The following L3MBTL4 variants were observed in gnomAD, a reference collection of about 807,000 sequenced individuals.
L3MBTL4 encodes the protein L3MBTL histone methyl-lysine binding protein 4, also known as lethal(3)malignant brain tumor-like protein 4.
L3MBTL4 carries 70 observed loss-of-function variants against 84.5 expected under a neutral mutation model. That is an observed-to-expected ratio of 0.83 (90% CI 0.68 to 1.01). The LOEUF is 1.01. L3MBTL4 is among the 50% of genes least tolerant of loss of function. The pLI is 0.00. For missense variants in L3MBTL4, 715 were observed against 754.8 expected (o/e 0.95, Z 0.62); for synonymous variants, 274 against 259.8 (o/e 1.05, Z -0.52).
intron 1 of L3MBTL4, among the ~76,000 whole-genome samples, chr18:6,354,170 C>T (rs190460497): frequency 4.7e-4 from 72 of 152,242 alleles, no homozygotes; most frequent in African/African-American, 1.6e-3. Context: ...GTCCCAAGAA[C>T]ACACACTGGG....
intron 1 of L3MBTL4, among the ~76,000 whole-genome samples, chr18:6,337,646 G>T (rs1415847411): frequency 6.6e-6 from 1 of 152,026 alleles, no homozygotes; most frequent in Non-Finnish European, 1.5e-5. Context: ...AAAGTACTGG[G>T]AATGTTCTGT....
chr18:6,033,613 A>C lies in L3MBTL4; in HGVS notation c.1444+47268T>G, dbSNP rs573363419. Among the ~76,000 whole-genome samples, 10 of 152,314 alleles carry C rather than the reference A, an allele frequency of 6.6e-5. No individual in the cohort carries two copies. In the East Asian group the frequency reaches 1.9e-3, roughly 29 times the overall value. ...CATTTCTTGTAATTACAATTACATT[A>C]GTTTTGTTTTCCTACTTCCTATATT... On this transcript the variant is annotated intron_variant, in intron 16 of 18. Coordinates refer to ENST00000317931, the MANE Select transcript of L3MBTL4 (RefSeq NM_001330559.2).
At chr18:6,066,750 T>A (rs1194221375) in intron 16 of L3MBTL4, among the ~76,000 whole-genome samples, 1 of 152,138 alleles carries the variant, frequency 6.6e-6, no homozygotes, top group African/African-American at 2.4e-5. Flanking sequence ...ATGTGACTCC[T>A]TATGTGTTAG....
At chr18:6,387,707 G>A (rs1219040892) in intron 1 of L3MBTL4, among the ~76,000 whole-genome samples, 1 of 152,200 alleles carries the variant, frequency 6.6e-6, no homozygotes, top group Non-Finnish European at 1.5e-5. Context: ...CTTTCATAAT[G>A]TGTAAGAGCA....
At chr18:6,358,129 G>A (rs1181568065) in intron 1 of L3MBTL4, among the ~76,000 whole-genome samples, 2 of 152,184 alleles carry the variant, frequency 1.3e-5, no homozygotes, top group African/African-American at 2.4e-5. Flanking sequence ...CACTATGCTG[G>A]GAGTTAACAA....
intron 1 of L3MBTL4, among the ~76,000 whole-genome samples, chr18:6,372,131 C>G (rs936756302): frequency 2.0e-5 from 3 of 152,182 alleles, no homozygotes; most frequent in African/African-American, 7.2e-5. Flanking sequence ...TAACTTCTTT[C>G]CTCCTTTCTC....
At chr18:6,314,227 A>T (rs1262419275) in intron 1 of L3MBTL4, among the ~76,000 whole-genome samples, 6 of 152,236 alleles carry the variant, frequency 3.9e-5, no homozygotes, top group Non-Finnish European at 8.8e-5. Flanking sequence ...TGGTATCAAA[A>T]TACATGGATT....
intron 5 of L3MBTL4, among the ~76,000 whole-genome samples, chr18:6,245,588 CTT>C (rs776011254): frequency 1.5e-3 from 210 of 137,086 alleles, no homozygotes; most frequent in African/African-American, 4.8e-3. Flanking sequence ...AGGTATTTTC[CTT>C]TTTTTTTTTT....
At chr18:6,248,122 C>T (rs536437504) in intron 5 of L3MBTL4, among the ~76,000 whole-genome samples, 3 of 152,182 alleles carry the variant, frequency 2.0e-5, no homozygotes, top group Admixed American at 6.5e-5. Context: ...TAATCCCCCC[C>T]CAAAAGGTTT....
intron 18 of L3MBTL4, among the ~76,000 whole-genome samples, chr18:5,958,053 A>G (rs1342262030): frequency 1.6e-5 from 2 of 128,952 alleles, no homozygotes; most frequent in African/African-American, 6.7e-5. Context: ...GGAGAAGGAG[A>G]AGGAGAAGGA....
At chr18:5,988,422 T>A (rs2053555885) in intron 16 of L3MBTL4, among the ~76,000 whole-genome samples, 1 of 152,214 alleles carries the variant, frequency 6.6e-6, no homozygotes, top group African/African-American at 2.4e-5. Context: ...CTTTGTTTTT[T>A]TAAATAGAAA....
intron 16 of L3MBTL4, among the ~76,000 whole-genome samples, chr18:5,994,203 C>A (rs929945260): frequency 2.6e-5 from 4 of 152,214 alleles, no homozygotes; most frequent in Non-Finnish European, 5.9e-5. Context: ...CCCAGGGCAT[C>A]CCCTGTCACC....
chr18:6,071,342 G>A (rs2057588649), intron 16 of L3MBTL4, among the ~76,000 whole-genome samples: 1 of 149,866 alleles, frequency 6.7e-6, no homozygotes, highest in Middle Eastern at 3.2e-3. Flanking sequence ...AGGAAGCCAG[G>A]ATTACACCAC....
At chr18:6,041,943 G>A (rs973111089) in intron 16 of L3MBTL4, among the ~76,000 whole-genome samples, 3 of 151,870 alleles carry the variant, frequency 2.0e-5, no homozygotes, top group African/African-American at 7.3e-5. Context: ...GGCTGGTCTT[G>A]AACTCTTGGC....
At chr18:6,072,925 TAC>T (rs56899160) in intron 16 of L3MBTL4, among the ~76,000 whole-genome samples, 12 of 79,594 alleles carry the variant, frequency 1.5e-4, no homozygotes, top group African/African-American at 6.9e-4. Flanking sequence ...TATATATATA[TAC>T]ACACATACAT....
intron 16 of L3MBTL4, among the ~76,000 whole-genome samples, chr18:6,017,561 C>A (rs1460763805): frequency 6.6e-6 from 1 of 152,350 alleles, no homozygotes; most frequent in East Asian, 1.9e-4. Context: ...TTGAGGATAG[C>A]ATGGCCCCTG....
chr18:6,406,167 CT>C (rs1479743568), intron 1 of L3MBTL4, among the ~76,000 whole-genome samples: 1 of 152,194 alleles, frequency 6.6e-6, no homozygotes, highest in Non-Finnish European at 1.5e-5. Flanking sequence ...CATAGAAAAC[CT>C]CGTGGACTGG....
At chr18:6,117,193 T>A (rs1407851973) in intron 14 of L3MBTL4, among the ~76,000 whole-genome samples, 2 of 152,170 alleles carry the variant, frequency 1.3e-5, no homozygotes, top group African/African-American at 4.8e-5. Flanking sequence ...TAAGCGGGAC[T>A]AATTTATAGA....
chr18:6,235,590 T>A (rs963875514), intron 10 of L3MBTL4, among the ~76,000 whole-genome samples: 1 of 152,212 alleles, frequency 6.6e-6, no homozygotes, highest in African/African-American at 2.4e-5. Context: ...AAAGGTCACA[T>A]ATTGTATGAT....
Sources: gnomAD v4.1 joint callset for allele counts (sites outside exome capture counted in the v4.1 genomes callset) on GRCh38, gnomAD v4.1.1 for gene constraint, MANE v1.5 for transcripts, NCBI Gene and HGNC (gene_info 2026-07-23, HGNC 2026-07-21) for gene names.